The following DYNC1I1 variants were observed in gnomAD, a reference collection of about 807,000 sequenced individuals.
The protein encoded by DYNC1I1 is dynein cytoplasmic 1 intermediate chain 1.
Under a neutral mutation model 86.6 loss-of-function variants are expected in DYNC1I1, and 43 were observed. The ratio of observed to expected loss-of-function variants is 0.50; its 90% CI spans 0.39 to 0.64. DYNC1I1 has a LOEUF of 0.64. DYNC1I1 is among the 30% of genes least tolerant of loss of function. DYNC1I1 has a pLI of 0.00. For missense variants in DYNC1I1, 604 were observed against 788.8 expected, an observed-to-expected ratio of 0.77 and a Z score of 2.81; for synonymous variants, 262 against 283.7, an observed-to-expected ratio of 0.92 and a Z score of 0.77.
intron 10 of DYNC1I1, among the ~76,000 whole-genome samples, chr7:96,026,885 C>A (rs1257045206): frequency 6.6e-6 from 1 of 152,140 alleles, no homozygotes; most frequent in Admixed American, 6.6e-5. Context: ...CACAGAGACA[C>A]ACCCACACAC....
intron 5 of DYNC1I1, among the ~76,000 whole-genome samples, chr7:95,851,585 T>G (rs1031625073): frequency 3.3e-5 from 5 of 152,162 alleles, no homozygotes; most frequent in Admixed American, 2.6e-4. Context: ...GTGAATGGTC[T>G]TTATAGTGTG....
chr7:96,058,767 GA>G (rs1356971509), intron 14 of DYNC1I1, among the ~76,000 whole-genome samples: 1 of 150,002 alleles, frequency 6.7e-6, no homozygotes, highest in African/African-American at 2.5e-5. Flanking sequence ...CCTGAGGCAG[GA>G]AATTACAGGC....
intron 6 of DYNC1I1, 135 bp from the exon 7 acceptor site, chr7:95,977,377 T>G: frequency 1.6e-6 from 1 of 616,620 alleles, no homozygotes; most frequent in Non-Finnish European, 2.7e-6. Context: ...TCTTGGGCAT[T>G]CATTGTGGAC....
At chr7:96,042,820 A>G (rs1789091138) in intron 14 of DYNC1I1, among the ~76,000 whole-genome samples, 1 of 152,200 alleles carries the variant, frequency 6.6e-6, no homozygotes. Flanking sequence ...AGGGTTACTA[A>G]ATCATTGATG....
intron 6 of DYNC1I1, among the ~76,000 whole-genome samples, chr7:95,965,233 A>C (rs899858860): frequency 6.6e-6 from 1 of 152,216 alleles, no homozygotes; most frequent in Non-Finnish European, 1.5e-5. Flanking sequence ...CTGTGCTCCA[A>C]ATATTGTTGC....
chr7:95,827,323 T>A (rs1795223462), intron 4 of DYNC1I1, among the ~76,000 whole-genome samples: 1 of 152,204 alleles, frequency 6.6e-6, no homozygotes, highest in African/African-American at 2.4e-5. Context: ...AGAAAAGTCC[T>A]GGCATGTGCT....
chr7:95,925,433 A>C (rs749210890), intron 6 of DYNC1I1, among the ~76,000 whole-genome samples: 2 of 152,206 alleles, frequency 1.3e-5, no homozygotes, highest in African/African-American at 2.4e-5. Context: ...GTTGGTGTCA[A>C]CTTACAGCTT....
intron 1 of DYNC1I1, among the ~76,000 whole-genome samples, chr7:95,785,887 C>G (rs868264533): frequency 4.1e-5 from 6 of 147,568 alleles, no homozygotes; most frequent in African/African-American, 1.2e-4. Context: ...ACCCTGAATG[C>G]ATATCTTATG....
chr7:95,990,922 T>G (rs1793713968), intron 9 of DYNC1I1, among the ~76,000 whole-genome samples: 1 of 151,824 alleles, frequency 6.6e-6, no homozygotes, highest in South Asian at 2.1e-4. Flanking sequence ...CCCAGCTATG[T>G]GGGAGGCTGA....
intron 6 of DYNC1I1, among the ~76,000 whole-genome samples, chr7:95,946,069 G>A (rs1393072640): frequency 5.3e-5 from 8 of 151,810 alleles, no homozygotes; most frequent in African/African-American, 9.7e-5. Flanking sequence ...ACCAAATACC[G>A]CATGTTCTCA....
chr7:96,008,367 T>C (rs1340982484), intron 10 of DYNC1I1, among the ~76,000 whole-genome samples: 3 of 152,086 alleles, frequency 2.0e-5, no homozygotes, highest in South Asian at 4.1e-4. Flanking sequence ...CTAGATTTTC[T>C]TTGAGCTGTA....
chr7:95,959,507 C>T (rs761581245), intron 6 of DYNC1I1, among the ~76,000 whole-genome samples: 1 of 152,196 alleles, frequency 6.6e-6, no homozygotes, highest in Non-Finnish European at 1.5e-5. Context: ...ATAGAGGAGA[C>T]ATTTCTGACA....
intron 14 of DYNC1I1, among the ~76,000 whole-genome samples, chr7:96,045,948 A>G (rs1357977968): frequency 6.6e-6 from 1 of 152,216 alleles, no homozygotes; most frequent in Non-Finnish European, 1.5e-5. Flanking sequence ...TAATCGTTAC[A>G]TATTCTAGCA....
chr7:96,030,374 G>GTC (rs999349604), intron 11 of DYNC1I1, among the ~76,000 whole-genome samples: 2 of 149,930 alleles, frequency 1.3e-5, no homozygotes, highest in African/African-American at 5.0e-5. Context: ...GTGTGTGTGT[G>GTC]TGTAGGCATG....
downstream of DYNC1I1, among the ~76,000 whole-genome samples, chr7:96,099,988 A>T (rs1286129142): frequency 6.6e-6 from 1 of 152,186 alleles, no homozygotes; most frequent in Non-Finnish European, 1.5e-5. Context: ...GCCAGTCCAC[A>T]GCCATTTAAG....
intron 10 of DYNC1I1, among the ~76,000 whole-genome samples, chr7:96,008,411 CA>C (rs201613886): frequency 1.2e-3 from 183 of 149,568 alleles, no homozygotes; most frequent in African/African-American, 4.2e-3. Context: ...AAGAGAAATA[CA>C]AAAAAAAAGG....
chr7:95,854,100 T>C (rs1038356976), intron 5 of DYNC1I1, among the ~76,000 whole-genome samples: 2 of 152,212 alleles, frequency 1.3e-5, no homozygotes, highest in African/African-American at 4.8e-5. Flanking sequence ...CAGCCACTTA[T>C]GTCTTTTGAT....
chr7:95,855,269 A>G (rs1789688514), intron 5 of DYNC1I1, among the ~76,000 whole-genome samples: 1 of 151,372 alleles, frequency 6.6e-6, no homozygotes, highest in South Asian at 2.1e-4. Context: ...ATATCAACCC[A>G]CTCTCTCCTG....
At chr7:95,867,799 T>C (rs756486882) in intron 5 of DYNC1I1, among the ~76,000 whole-genome samples, 35 of 152,178 alleles carry the variant, frequency 2.3e-4, no homozygotes, top group Admixed American at 2.0e-4. Context: ...TTGTTTATAA[T>C]AAAGACTGAT....
Sources: allele counts gnomAD v4.1 joint callset (sites outside exome capture counted in the v4.1 genomes callset), GRCh38; gene constraint gnomAD v4.1.1; transcripts MANE v1.5; gene names NCBI Gene and HGNC (gene_info 2026-07-23, HGNC 2026-07-21).